The following GIPC1 variants were observed in gnomAD, a reference collection of about 807,000 sequenced individuals.
GIPC1 encodes the protein GIPC PDZ domain containing family member 1.
Under a neutral mutation model 28.5 loss-of-function variants are expected in GIPC1, and 15 were observed. That is an observed-to-expected ratio of 0.53 (90% CI 0.35 to 0.81). GIPC1 has a LOEUF of 0.81. Among genes scored for constraint, GIPC1 ranks in the 30% least tolerant of loss-of-function variants. The pLI, the probability that GIPC1 is intolerant of heterozygous loss-of-function variation, is 0.01. For synonymous variants in GIPC1, 224 were observed against 206.1 expected (o/e 1.09, Z -0.74); for missense variants, 439 against 481.9 (o/e 0.91, Z 0.83).
intron 3 of GIPC1, among the ~76,000 whole-genome samples, chr19:14,490,831 T>C (rs10403574): frequency 0.82 from 122,775 of 150,168 alleles, 50,624 homozygotes; most frequent in Middle Eastern, 0.86. Flanking sequence ...AAAAATTAGC[T>C]GGGCGTGGTG....
At chr19:14,488,536 G>A (rs191870235) in intron 3 of GIPC1, among the ~76,000 whole-genome samples, 1 of 152,168 alleles carries the variant, frequency 6.6e-6, no homozygotes, top group Admixed American at 6.6e-5. Context: ...GGCGGATCAT[G>A]AGGTCAGGAG....
intron 7 of GIPC1, among the ~76,000 whole-genome samples, 198 bp downstream of exon 7, chr19:14,479,214 T>C (rs145145957): frequency 0.021 from 3,131 of 152,212 alleles, 48 homozygotes; most frequent in Middle Eastern, 0.041. Flanking sequence ...CAGCTGGGCA[T>C]GGTGGTGGGC....
In GIPC1 at chr19:14,490,900, G is replaced by A. The variant is rs188075038; in HGVS notation, c.-31+756C>T. Among the ~76,000 whole-genome samples the A allele has an allele frequency of 2.7e-3, 414 of 150,898 alleles. 2 individuals carry two copies. Among genetic ancestry groups the A allele is most frequent in the African/African-American group, 9.6e-3 (396 of 41,114 alleles). ...TGAGGCAGGAGAATGGCGTGAACTC[G>A]GGAGGCGGAGCTTGCAGTGAGCCGA... On this transcript the variant is annotated intron_variant, in intron 3 of 8. Coordinates refer to ENST00000393033, the MANE Select transcript of GIPC1 (RefSeq NM_005716.4).
intron 3 of GIPC1, among the ~76,000 whole-genome samples, chr19:14,486,512 T>C (rs1203810991): frequency 6.6e-6 from 1 of 152,114 alleles, no homozygotes; most frequent in African/African-American, 2.4e-5. Flanking sequence ...GGCAGGGTGA[T>C]GAGCCACATT....
At position 14,478,082 on chromosome 19, in the gene GIPC1, C is replaced by G. The variant is rs2071637505; in HGVS notation, c.*334G>C. 3.4e-6 allele frequency: 1 copy of G among 296,536 alleles called. No homozygotes were observed. Among genetic ancestry groups the G allele is most frequent in the Non-Finnish European group, 6.4e-6 (1 of 156,108 alleles). 18.4% of individuals were successfully genotyped at this position (296,536 alleles called of 1,614,324 possible). On this transcript the variant is annotated 3_prime_UTR_variant, in exon 9 of 9. Coordinates refer to ENST00000393033, the MANE Select transcript of GIPC1 (RefSeq NM_005716.4). This position sits in a 1 kb window ranked among gnomAD's most constrained non-coding sequence, Gnocchi z 5.2. Reference sequence around the variant, plus strand: ...AACAGAACCCAAGGCCCCAGGGAGACAGAGGGACCAGTTTGGCAGCTGATG... The same window carrying G: ...AACAGAACCCAAGGCCCCAGGGAGAGAGAGGGACCAGTTTGGCAGCTGATG...
chr19:14,488,168 G>A (rs1808511099), intron 3 of GIPC1, among the ~76,000 whole-genome samples: 1 of 152,056 alleles, frequency 6.6e-6, no homozygotes, highest in South Asian at 2.1e-4. Context: ...CCCTGAGCTG[G>A]GGCTGGGCAT....
chr19:14,489,954 G>A (rs1476822304), intron 3 of GIPC1, among the ~76,000 whole-genome samples: 1 of 152,056 alleles, frequency 6.6e-6, no homozygotes, highest in Admixed American at 6.6e-5. Flanking sequence ...GCGGTGTTGG[G>A]AGGTGGGGCC....
chr19:14,492,527 C>T (rs1416033557), intron 2 of GIPC1, among the ~76,000 whole-genome samples: 1 of 152,244 alleles, frequency 6.6e-6, no homozygotes, highest in Non-Finnish European at 1.5e-5. Flanking sequence ...AGGATGGTCT[C>T]GATCCCCTGA....
At chr19:14,479,959 A>C in intron 6 of GIPC1, 2 of 462,600 alleles carry the variant, frequency 4.3e-6, no homozygotes, top group South Asian at 2.7e-5. Context: ...CCCATTCCTG[A>C]GAGTTAGTGA....
At position 14,478,386 on chromosome 19, in the gene GIPC1, G is replaced by A. The variant is rs199600592; in HGVS notation, c.*30C>T. On this transcript the variant is annotated 3_prime_UTR_variant, in exon 9 of 9. Coordinates refer to ENST00000393033, the MANE Select transcript of GIPC1 (RefSeq NM_005716.4). The surrounding 1 kb of genome is among the most constrained non-coding windows in gnomAD (Gnocchi z 5.2). ...TGGGGGCCCCCACCAGGTTGCGCCC[G>A]GGTCATCATCGCAGGGTCCGGGGGC... 2.5e-5 allele frequency: 39 copies of A among 1,574,984 alleles called. No individual in the cohort carries two copies. The Admixed American group carries it at 3.2e-4, about 13-fold the overall frequency.
intron 3 of GIPC1, among the ~76,000 whole-genome samples, chr19:14,485,702 T>TATATATAGAGAGAGAG (rs1300117748): frequency 5.1e-4 from 30 of 58,770 alleles, no homozygotes; most frequent in Non-Finnish European, 6.3e-4. Flanking sequence ...TATATATATA[T>TATATATAGAGAGAGAG]AGAGAGAGAG....
chr19:14,480,264 C>A (rs766606764), intron 6 of GIPC1, 41 bp downstream of exon 6: 2 of 1,557,896 alleles, frequency 1.3e-6, no homozygotes, highest in Non-Finnish European at 8.8e-7. Flanking sequence ...TGCGCCCATG[C>A]GAGCAGCGCC....
At position 14,482,954 on chromosome 19, in the gene GIPC1, C is replaced by T. The variant is rs1404951331; in HGVS notation, c.23G>A (p.Arg8Gln). 17 of 1,611,636 alleles carry T rather than the reference C, an allele frequency of 1.1e-5. No individual in the cohort carries two copies. Among genetic ancestry groups the T allele is most frequent in the Non-Finnish European group, 1.4e-5 (16 of 1,179,814 alleles). MPLGLGR[R>Q]KKAPPLVENE... ...TTCCACTAGAGGGGGCGCCTTTTTC[C>T]GCCGCCCCAGTCCCAGCGGCATGAG... Residue 8 changes from arginine (R) to glutamine (Q), a missense_variant, in exon 4 of 9, where the codon CGG becomes CAG. Arg to Gln is a conservative substitution (Grantham distance 43, BLOSUM62 1). Transcript: ENST00000393033.
Position 14,494,514 on chromosome 19 carries a change from C to T in GIPC1, c.-175+1523G>A, listed in dbSNP as rs564445945. Among the ~76,000 whole-genome samples the T allele has an allele frequency of 1.4e-4, 21 of 152,336 alleles. No homozygotes were observed. In the South Asian group the frequency reaches 4.1e-3, roughly 30 times the overall value. ...TGAAATTATCTTCTTTATTTACTTG[C>T]TAACTTGTTTGTTGGCTGCTTCCTT... On this transcript the variant is annotated intron_variant, in intron 1 of 8. Coordinates refer to ENST00000393033, the MANE Select transcript of GIPC1 (RefSeq NM_005716.4).
intron 2 of GIPC1, among the ~76,000 whole-genome samples, chr19:14,492,067 C>CA (rs1568369265): frequency 1.3e-5 from 2 of 151,162 alleles, no homozygotes; most frequent in African/African-American, 2.4e-5. Flanking sequence ...GGCTCCATCT[C>CA]AAAAAAAAGA....
At position 14,483,071 on chromosome 19, in the gene GIPC1, C is replaced by T. The variant is rs186953856; in HGVS notation, c.-30-65G>A. ...CCTTGGGTGCCCCTCCCACACTACT[C>T]GAACCATACAGGCCCAAGGAAATAC... On this transcript the variant is annotated intron_variant, in intron 3 of 8. Coordinates refer to ENST00000393033, the MANE Select transcript of GIPC1 (RefSeq NM_005716.4). 401 of 1,111,712 alleles carry T rather than the reference C, an allele frequency of 3.6e-4. 1 individual carries two copies. In the African/African-American group the frequency reaches 5.4e-3, roughly 15 times the overall value. The allele number at this position is 1,111,712 out of a possible 1,614,324, so 68.9% of individuals were successfully genotyped here.
At position 14,477,865 on chromosome 19, in the gene GIPC1, A is replaced by G; in HGVS notation, c.*551T>C. 6.5e-6 allele frequency: 1 copy of G among 153,614 alleles called. No individual in the cohort carries two copies. The highest frequency in any genetic ancestry group is 1.5e-5 in the Non-Finnish European group (1 of 68,692). The allele number at this position is 153,614 out of a possible 1,614,324, so 9.5% of individuals were successfully genotyped here. On this transcript the variant is annotated 3_prime_UTR_variant, in exon 9 of 9. Transcript: ENST00000393033. The stretch of plus-strand genomic sequence containing the variant: ...TGCTCTGGGCCAGGGATGGGCCTGG[A>G]AGGAGAGATGGGAGGTGGGGAGGAG...
At chr19:14,488,887 G>C (rs2146485444) in intron 3 of GIPC1, among the ~76,000 whole-genome samples, 1 of 151,790 alleles carries the variant, frequency 6.6e-6, no homozygotes, top group South Asian at 2.1e-4. Context: ...AGGGGGGATA[G>C]TGAGAACATG....
At chr19:14,479,097 C>G (rs557929587) in intron 7 of GIPC1, among the ~76,000 whole-genome samples, 1 of 152,304 alleles carries the variant, frequency 6.6e-6, no homozygotes, top group Non-Finnish European at 1.5e-5. Flanking sequence ...ATAATCCCAG[C>G]ACTTTGGGAG....
Sources: gnomAD v4.1 joint callset for allele counts (sites outside exome capture counted in the v4.1 genomes callset) on GRCh38, gnomAD v4.1.1 for gene constraint, Gnocchi (gnomAD v3.1) non-coding constraint, MANE v1.5 for transcripts, NCBI Gene and HGNC (gene_info 2026-07-23, HGNC 2026-07-21) for gene names.